Variants in CCDC178 observed in about 807,000 individuals in gnomAD.
The protein encoded by CCDC178 is coiled-coil domain containing 178.
In CCDC178, 126 loss-of-function variants were observed where a neutral mutation model predicts 117.4. That is an observed-to-expected ratio of 1.07 (90% CI 0.93 to 1.24). The LOEUF is 1.24. Ranked by LOEUF, CCDC178 falls within the 50% of genes most tolerant of loss-of-function variation. The pLI is 0.00. For missense variants in CCDC178, 1,030 were observed against 986.9 expected, an observed-to-expected ratio of 1.04 and a Z score of -0.59; for synonymous variants, 283 against 313.4, an observed-to-expected ratio of 0.90 and a Z score of 1.02.
chr18:33,351,879 T>C (rs1165940551), intron 7 of CCDC178, among the ~76,000 whole-genome samples: 1 of 152,230 alleles, frequency 6.6e-6, no homozygotes, highest in African/African-American at 2.4e-5. Flanking sequence ...ATATATTCTA[T>C]AGTTTGCTTC....
chr18:33,406,574 T>C (rs975774618), intron 3 of CCDC178, among the ~76,000 whole-genome samples: 3 of 152,024 alleles, frequency 2.0e-5, no homozygotes, highest in Admixed American at 6.6e-5. Flanking sequence ...CTCAATCTAA[T>C]AAAGATTGAA....
intron 18 of CCDC178, among the ~76,000 whole-genome samples, chr18:33,220,803 G>A (rs535234794): frequency 2.0e-5 from 3 of 151,998 alleles, no homozygotes; most frequent in African/African-American, 7.2e-5. Flanking sequence ...ACCCATGCTG[G>A]GAAAATGATT....
intron 21 of CCDC178, among the ~76,000 whole-genome samples, chr18:32,980,991 C>T (rs1478810661): frequency 6.6e-6 from 1 of 152,074 alleles, no homozygotes; most frequent in Non-Finnish European, 1.5e-5. Context: ...ATCTAATTGT[C>T]TTTGAAGTAA....
At chr18:33,118,725 G>A (rs924296792) in intron 20 of CCDC178, among the ~76,000 whole-genome samples, 12 of 152,056 alleles carry the variant, frequency 7.9e-5, no homozygotes, top group Admixed American at 3.9e-4. Flanking sequence ...AAAAGAGCCC[G>A]CATCACCAAG....
At chr18:33,270,783 A>C (rs1479242908) in intron 12 of CCDC178, among the ~76,000 whole-genome samples, 1 of 151,630 alleles carries the variant, frequency 6.6e-6, no homozygotes, top group Non-Finnish European at 1.5e-5. Flanking sequence ...AATCCACAGA[A>C]GAAATAAAGA....
At chr18:33,340,230 C>T (rs1473750898) in intron 9 of CCDC178, among the ~76,000 whole-genome samples, 1 of 151,948 alleles carries the variant, frequency 6.6e-6, no homozygotes, top group African/African-American at 2.4e-5. Flanking sequence ...TTGCCCCTGC[C>T]CCAGAGATAT....
chr18:33,198,546 G>A (rs1171821460), intron 20 of CCDC178, among the ~76,000 whole-genome samples: 2 of 152,098 alleles, frequency 1.3e-5, no homozygotes, highest in Non-Finnish European at 2.9e-5. Context: ...CAGGACAACT[G>A]GAGGTCTTTT....
chr18:33,216,621 G>T (rs1203097161), intron 18 of CCDC178, among the ~76,000 whole-genome samples: 1 of 151,904 alleles, frequency 6.6e-6, no homozygotes, highest in African/African-American at 2.4e-5. Flanking sequence ...TTTACTCATA[G>T]ATTTCAAGAA....
chr18:32,993,453 G>A (rs187791914), intron 21 of CCDC178, among the ~76,000 whole-genome samples: 33 of 152,238 alleles, frequency 2.2e-4, no homozygotes, highest in Middle Eastern at 6.8e-3. Flanking sequence ...TTGCAAAACT[G>A]CCCTGAGCTG....
At chr18:33,352,909 G>A (rs1016588145) in intron 7 of CCDC178, among the ~76,000 whole-genome samples, 2 of 152,048 alleles carry the variant, frequency 1.3e-5, no homozygotes, top group Non-Finnish European at 2.9e-5. Flanking sequence ...GGAGTATTCT[G>A]TATAAACTGG....
intron 2 of CCDC178, among the ~76,000 whole-genome samples, chr18:33,429,409 G>A (rs1401596832): frequency 6.6e-6 from 1 of 151,990 alleles, no homozygotes; most frequent in East Asian, 1.9e-4. Flanking sequence ...AGGGACAAAA[G>A]TCAGTCTTCG....
intron 5 of CCDC178, among the ~76,000 whole-genome samples, chr18:33,380,886 A>T (rs1463861465): frequency 6.6e-6 from 1 of 152,250 alleles, no homozygotes; most frequent in Non-Finnish European, 1.5e-5. Context: ...AGTCAAGGCC[A>T]ACAAGCCAGA....
Position 33,431,807 on chromosome 18 carries a change from AT to A in CCDC178, c.-23+8154del, listed in dbSNP as rs568871583. Among the ~76,000 whole-genome samples the A allele has an allele frequency of 5.9e-5, 9 of 152,292 alleles. No homozygotes were observed. In the South Asian group the frequency reaches 1.9e-3, roughly 32 times the overall value. ...TCAGTCCCGCAGCTGGTCTACTCCC[AT>A]TTTTATATCATAACAAGACTTTGTA... On this transcript the variant is annotated intron_variant, in intron 2 of 22. Transcript: ENST00000383096.
chr18:33,171,370 G>C (rs568858645), intron 20 of CCDC178, among the ~76,000 whole-genome samples: 1 of 152,306 alleles, frequency 6.6e-6, no homozygotes, highest in East Asian at 1.9e-4. Flanking sequence ...TAGGTATTGT[G>C]AATTTAATGG....
intron 12 of CCDC178, among the ~76,000 whole-genome samples, chr18:33,276,737 G>A (rs28474834): frequency 0.069 from 10,448 of 151,896 alleles, 554 homozygotes; most frequent in African/African-American, 0.14. Flanking sequence ...AGAAAATTGG[G>A]GTGTGTTTAA....
intron 12 of CCDC178, among the ~76,000 whole-genome samples, chr18:33,288,716 G>A (rs1287161578): frequency 6.6e-6 from 1 of 152,096 alleles, no homozygotes; most frequent in Non-Finnish European, 1.5e-5. Flanking sequence ...AGAAAGTTAA[G>A]AGATGGTTTC....
intron 7 of CCDC178, among the ~76,000 whole-genome samples, chr18:33,355,530 A>G (rs1231914110): frequency 2.6e-5 from 4 of 152,254 alleles, no homozygotes; most frequent in Admixed American, 1.3e-4. Flanking sequence ...AAGGTCAGCC[A>G]GAAGTAAGAT....
chr18:33,239,293 T>C (rs780955424), intron 15 of CCDC178, among the ~76,000 whole-genome samples: 12 of 151,688 alleles, frequency 7.9e-5, no homozygotes, highest in Non-Finnish European at 1.8e-4. Flanking sequence ...GTAAGAAACA[T>C]AGGACATACA....
At chr18:33,023,702 A>C (rs868847388) in intron 21 of CCDC178, among the ~76,000 whole-genome samples, 1 of 152,190 alleles carries the variant, frequency 6.6e-6, no homozygotes, top group African/African-American at 2.4e-5. Flanking sequence ...ATCCAAAGCA[A>C]GTAAATGGAA....
Sources: allele counts gnomAD v4.1 joint callset (sites outside exome capture counted in the v4.1 genomes callset), GRCh38; gene constraint gnomAD v4.1.1; transcripts MANE v1.5; gene names NCBI Gene and HGNC (gene_info 2026-07-23, HGNC 2026-07-21).